Variants in PAK1 observed in about 807,000 individuals in gnomAD.
PAK1 encodes serine/threonine-protein kinase PAK 1.
A neutral mutation model predicts 67.4 loss-of-function variants in PAK1; 29 were observed. The ratio of observed to expected loss-of-function variants is 0.43; its 90% confidence interval spans 0.32 to 0.59. The LOEUF is 0.59. Ranked by LOEUF, PAK1 falls within the 20% of genes least tolerant of loss-of-function variation. The pLI, the probability that PAK1 is intolerant of heterozygous loss-of-function variation, is 0.07. For synonymous variants in PAK1, 223 were observed against 237.4 expected, an observed-to-expected ratio of 0.94 and a Z score of 0.56; for missense variants, 337 against 670.7, an observed-to-expected ratio of 0.50 and a Z score of 5.50.
chr11:77,479,731 C>T, the PAK1 span, among the ~76,000 whole-genome samples: 6 of 151,224 alleles, frequency 4.0e-5, no homozygotes, highest in Non-Finnish European at 8.8e-5. Flanking sequence ...CCTCAGCCTC[C>T]CAATTAGCTG....
At chr11:77,445,776 A>T (rs554134135) in intron 1 of PAK1, among the ~76,000 whole-genome samples, 6 of 152,346 alleles carry the variant, frequency 3.9e-5, no homozygotes, top group African/African-American at 1.4e-4. Flanking sequence ...GAGAGAGCTT[A>T]AAGATCATGT....
chr11:77,419,211 T>C (rs1955128168), intron 1 of PAK1, among the ~76,000 whole-genome samples: 2 of 152,204 alleles, frequency 1.3e-5, no homozygotes, highest in African/African-American at 4.8e-5. Flanking sequence ...CAGAATCAAA[T>C]GAGGTAAAAG....
chr11:77,410,126 C>G (rs1028859601), intron 1 of PAK1, among the ~76,000 whole-genome samples: 1 of 152,162 alleles, frequency 6.6e-6, no homozygotes, highest in Non-Finnish European at 1.5e-5. Context: ...CCTCTTCTTT[C>G]CTGGGCTACC....
At chr11:77,402,101 T>C (rs1424265376) in intron 1 of PAK1, among the ~76,000 whole-genome samples, 1 of 152,160 alleles carries the variant, frequency 6.6e-6, no homozygotes, top group Admixed American at 6.5e-5. Context: ...GTTATGCAAT[T>C]TACCTAAGAT....
At chr11:77,355,449 G>T (rs1307774803) in intron 7 of PAK1, among the ~76,000 whole-genome samples, 1 of 152,076 alleles carries the variant, frequency 6.6e-6, no homozygotes, top group Non-Finnish European at 1.5e-5. Flanking sequence ...CTCAAAGTAA[G>T]CTATCCACAC....
At chr11:77,479,015 G>A (rs1002970311), upstream of PAK1, among the ~76,000 whole-genome samples, 18 of 150,524 alleles carry the variant, frequency 1.2e-4, no homozygotes, top group African/African-American at 3.2e-4. Flanking sequence ...AACCCAAGAG[G>A]CACAGCTTGC....
chr11:77,414,609 A>T (rs907663244), intron 1 of PAK1, among the ~76,000 whole-genome samples: 4 of 152,262 alleles, frequency 2.6e-5, no homozygotes, highest in African/African-American at 9.6e-5. Context: ...AATGTGGTTA[A>T]CTGACTGTAA....
intron 1 of PAK1, among the ~76,000 whole-genome samples, chr11:77,439,779 C>T (rs2138423186): frequency 6.6e-6 from 1 of 152,070 alleles, no homozygotes; most frequent in East Asian, 1.9e-4. Context: ...ACTAAATTGT[C>T]AAGGAAATTT....
At chr11:77,507,056 G>A in the PAK1 span, among the ~76,000 whole-genome samples, 9,336 of 152,248 alleles carry the variant, frequency 0.061, 399 homozygotes, top group Non-Finnish European at 0.097. Flanking sequence ...TTGAATGACC[G>A]AGTATGGATC....
intron 9 of PAK1, among the ~76,000 whole-genome samples, chr11:77,345,339 CA>C (rs5792763): frequency 6.7e-5 from 10 of 149,614 alleles, no homozygotes; most frequent in East Asian, 5.9e-4. Flanking sequence ...TAAATAAAAA[CA>C]AAAAAAAAAT....
rs142088524 is a variant in PAK1, at chr11:77,460,657, A to C, written c.-22+12895T>G. Among the ~76,000 whole-genome samples, 1,470 of 152,266 alleles carry C rather than the reference A, an allele frequency of 9.7e-3. 23 individuals carry two copies. The highest frequency in any genetic ancestry group is 0.034 in the African/African-American group (1,418 of 41,542). On this transcript the variant is annotated intron_variant, in intron 1 of 14. Transcript: ENST00000356341. ...AAGGCAAAATTTAAAGATGCCATAA[A>C]GCGAGATTTCTAAAATGGGACCATG...
At chr11:77,406,774 C>A (rs1953635622) in intron 1 of PAK1, among the ~76,000 whole-genome samples, 2 of 144,596 alleles carry the variant, frequency 1.4e-5, no homozygotes, top group East Asian at 1.9e-4. Flanking sequence ...GACAGAGATA[C>A]GATTTCAAAG....
chr11:77,498,145 T>C, the PAK1 span, among the ~76,000 whole-genome samples: 1 of 152,160 alleles, frequency 6.6e-6, no homozygotes, highest in South Asian at 2.1e-4. Context: ...ATAAAATCTA[T>C]AGTTTAGTTA....
chr11:77,470,396 T>C (rs777721709), intron 1 of PAK1, among the ~76,000 whole-genome samples: 2 of 152,186 alleles, frequency 1.3e-5, no homozygotes, highest in Non-Finnish European at 2.9e-5. Flanking sequence ...TCAGCACTTA[T>C]CATGTCATAT....
intron 1 of PAK1, among the ~76,000 whole-genome samples, chr11:77,394,909 AG>A (rs1299281028): frequency 4.0e-5 from 6 of 151,610 alleles, no homozygotes; most frequent in Admixed American, 2.6e-4. Context: ...TGATGTTTTT[AG>A]CTTGCTTTTA....
intron 11 of PAK1, 51 bp downstream of exon 11, chr11:77,340,595 A>G (rs1249115356): frequency 2.2e-6 from 2 of 894,526 alleles, no homozygotes; most frequent in Non-Finnish European, 3.8e-6. Flanking sequence ...TTCAGGAGAC[A>G]GGAATATGGA....
At chr11:77,379,513 T>TA in intron 3 of PAK1, 125 bp from the exon 4 acceptor site, 1 of 819,924 alleles carries the variant, frequency 1.2e-6, no homozygotes, top group Non-Finnish European at 1.9e-6. Flanking sequence ...CCTTTCTCTC[T>TA]ATACTCTCAG....
chr11:77,336,327 A>G (rs1942679311), intron 12 of PAK1, 45 bp from the exon 13 acceptor site: 4 of 1,450,696 alleles, frequency 2.8e-6, no homozygotes, highest in Middle Eastern at 1.8e-4. Context: ...TAGGATATAC[A>G]CTCACTTCAG....
chr11:77,361,032 T>A (rs1946710929), intron 5 of PAK1, among the ~76,000 whole-genome samples: 1 of 152,128 alleles, frequency 6.6e-6, no homozygotes, highest in Non-Finnish European at 1.5e-5. Flanking sequence ...CATCCATCCA[T>A]CCATTCACTG....
Sources: gnomAD v4.1 joint callset for allele counts (sites outside exome capture counted in the v4.1 genomes callset) on GRCh38, gnomAD v4.1.1 for gene constraint, MANE v1.5 for transcripts, NCBI Gene and HGNC (gene_info 2026-07-23, HGNC 2026-07-21) for gene names.